The following DCHS2 variants were observed in gnomAD, a reference collection of about 807,000 sequenced individuals.
DCHS2 encodes dachsous cadherin-related 2.
DCHS2 carries 142 observed loss-of-function variants against 182.4 expected under a neutral mutation model. The ratio of observed to expected loss-of-function variants is 0.78; its 90% CI spans 0.68 to 0.89. The LOEUF (loss-of-function observed/expected upper bound fraction) is 0.89, where lower values mean the gene tolerates loss of function less well. Ranked by LOEUF, DCHS2 falls within the 40% of genes least tolerant of loss-of-function variation. The pLI is 0.00. For missense variants in DCHS2, 4,319 were observed against 4,198.6 expected (o/e 1.03, Z -0.79); for synonymous variants, 1,740 against 1,663.3 (o/e 1.05, Z -1.12).
At chr4:154,477,107 A>C (rs1735716588) in intron 1 of DCHS2, among the ~76,000 whole-genome samples, 1 of 152,138 alleles carries the variant, frequency 6.6e-6, no homozygotes, top group Non-Finnish European at 1.5e-5. Context: ...TAAACAACAG[A>C]AGTTTATTTC....
intron 1 of DCHS2, among the ~76,000 whole-genome samples, chr4:154,392,027 AC>A (rs931169791): frequency 1.3e-5 from 2 of 152,170 alleles, no homozygotes; most frequent in Non-Finnish European, 2.9e-5. Context: ...GGAAAAGTTA[AC>A]TTATAAAATG....
intron 1 of DCHS2, among the ~76,000 whole-genome samples, chr4:154,476,983 A>G (rs551932570): frequency 1.3e-5 from 2 of 152,084 alleles, no homozygotes; most frequent in African/African-American, 2.4e-5. Flanking sequence ...GGAAGGGGAG[A>G]CTCATGACAG....
rs2111325230 is a variant in DCHS2, at chr4:154,315,911, A to G, written c.5097T>C (p.Asp1699=). Reference sequence around the variant, plus strand: ...GGGATGAAGAAAGTGCTGGTGTGCCATCATCCAGTGCCAGAACAGTCAGAA... The same window carrying G: ...GGGATGAAGAAAGTGCTGGTGTGCCGTCATCCAGTGCCAGAACAGTCAGAA... ...QHILTVLALD[D]GTPALSSSQT... is the part of the protein sequence containing the mutation. The change falls in exon 10 of 20, where the codon GAT becomes GAC. Residue 1699 remains aspartate (D), a synonymous_variant. Coordinates refer to ENST00000357232, the MANE Select transcript of DCHS2 (RefSeq NM_001358235.2). The G allele has an allele frequency of 1.9e-6, 3 of 1,614,044 alleles. No individual in the cohort carries two copies. The highest frequency in any genetic ancestry group is 2.7e-5 in the African/African-American group (2 of 75,060).
At chr4:154,471,482 T>C (rs1735466191) in intron 1 of DCHS2, among the ~76,000 whole-genome samples, 1 of 152,178 alleles carries the variant, frequency 6.6e-6, no homozygotes, top group African/African-American at 2.4e-5. Flanking sequence ...AAGAGTTATG[T>C]CTATAACTGA....
At chr4:154,349,395 C>T (rs1729502538) in intron 3 of DCHS2, among the ~76,000 whole-genome samples, 1 of 152,164 alleles carries the variant, frequency 6.6e-6, no homozygotes, top group Non-Finnish European at 1.5e-5. Flanking sequence ...GGCCATGAAA[C>T]TTTAGCGTGA....
intron 16 of DCHS2, among the ~76,000 whole-genome samples, chr4:154,248,657 G>A (rs1023657078): frequency 3.7e-4 from 20 of 54,162 alleles, no homozygotes; most frequent in East Asian, 1.3e-3. Context: ...GAAGAAAGCC[G>A]GAGGCACCAT....
At chr4:154,437,929 C>T (rs977648983) in intron 1 of DCHS2, among the ~76,000 whole-genome samples, 8 of 152,024 alleles carry the variant, frequency 5.3e-5, no homozygotes, top group East Asian at 3.9e-4. Context: ...CCCAACACTT[C>T]GGAAGGCCAA....
At chr4:154,290,538 A>G (rs114984471) in intron 13 of DCHS2, among the ~76,000 whole-genome samples, 5,739 of 152,038 alleles carry the variant, frequency 0.038, 148 homozygotes, top group Non-Finnish European at 0.058. Flanking sequence ...GCTTCAAATT[A>G]TACTACAAAA....
At chr4:154,286,276 T>A (rs1188451639) in intron 13 of DCHS2, among the ~76,000 whole-genome samples, 2 of 152,024 alleles carry the variant, frequency 1.3e-5, no homozygotes, top group Non-Finnish European at 2.9e-5. Flanking sequence ...AATAAATACC[T>A]ACTCTTCAAT....
In DCHS2 at chr4:154,297,943, C is replaced by CCCGT. The variant is rs1735012372; in HGVS notation, c.6367_6370dup (p.Gly2124AspfsTer23). The CCCGT allele has an allele frequency of 6.2e-7, 1 of 1,614,092 alleles. No individual in the cohort carries two copies. Among genetic ancestry groups the CCCGT allele is most frequent in the African/African-American group, 1.3e-5 (1 of 75,032 alleles). On this transcript the variant is annotated frameshift_variant, in exon 13 of 20. Transcript: ENST00000357232. LOFTEE classifies it high-confidence loss of function. Reference sequence around the variant, plus strand: ...TCCTTCCATGTGAATGACCAAGAGACCCGTGGTTGTCCTGGCTGGAATGCC... The same window carrying CCCGT: ...TCCTTCCATGTGAATGACCAAGAGACCCGTCCGTGGTTGTCCTGGCTGGAATGCC...
intron 1 of DCHS2, 27 bp downstream of exon 1, chr4:154,489,277 G>A: frequency 6.8e-7 from 1 of 1,465,758 alleles, no homozygotes; most frequent in Non-Finnish European, 9.1e-7. Flanking sequence ...AAGCCTTCAG[G>A]TTGGCCCACA....
Position 154,366,350 on chromosome 4 carries a change from C to T in DCHS2, c.2336G>A (p.Ser779Asn). 1 of 1,613,826 alleles carries T rather than the reference C, an allele frequency of 6.2e-7. No individual in the cohort carries two copies. ...GCCTGGCTGGGTCTCATCACTGATGCTCGTCACATAGGTTGATGGGTTAAA... is the reference window on the plus strand; with the variant it reads ...GCCTGGCTGGGTCTCATCACTGATGTTCGTCACATAGGTTGATGGGTTAAA... ...PVFNPSTYVT[S>N]ISDETQPGTE... The change falls in exon 3 of 20, where the codon AGC becomes AAC. Residue 779 changes from serine (S) to asparagine (N), a missense_variant. Ser to Asn is a conservative substitution (Grantham distance 46). Coordinates refer to ENST00000357232, the MANE Select transcript of DCHS2 (RefSeq NM_001358235.2).
At chr4:154,440,183 G>A (rs1237788786) in intron 1 of DCHS2, among the ~76,000 whole-genome samples, 1 of 152,142 alleles carries the variant, frequency 6.6e-6, no homozygotes, top group Non-Finnish European at 1.5e-5. Flanking sequence ...TGGAGGAAAG[G>A]ACTAGAGTGA....
Position 154,490,830 on chromosome 4 carries a change from C to T in DCHS2, c.526G>A (p.Val176Ile), listed in dbSNP as rs767912458. The change falls in exon 1 of 20, where the codon GTC becomes ATC. Residue 176 changes from valine (V) to isoleucine (I), a missense_variant. Val to Ile is a conservative substitution (Grantham distance 29, BLOSUM62 3). Coordinates refer to ENST00000357232, the MANE Select transcript of DCHS2 (RefSeq NM_001358235.2). ...GTCCCTGGCGGGCTGAGCTCGGAGA[C>T]GTCGAGTTGCAGGGAGTCGAGGGGA... ...RFPLDSLQLDVSELSPPGTAF... is the reference protein window; with the variant it reads ...RFPLDSLQLDISELSPPGTAF... The T allele has an allele frequency of 2.2e-5, 34 of 1,551,584 alleles. No individual in the cohort carries two copies. In the South Asian group the frequency reaches 3.9e-4, roughly 18 times the overall value.
chr4:154,413,338 G>C (rs1474062550), intron 1 of DCHS2, among the ~76,000 whole-genome samples: 1 of 152,160 alleles, frequency 6.6e-6, no homozygotes, highest in Non-Finnish European at 1.5e-5. Context: ...TTATGGTGTA[G>C]ATGAACACCA....
At chr4:154,418,301 T>A (rs1262708882) in intron 1 of DCHS2, among the ~76,000 whole-genome samples, 2 of 152,138 alleles carry the variant, frequency 1.3e-5, no homozygotes, top group Non-Finnish European at 2.9e-5. Flanking sequence ...ATGGCCCCGC[T>A]GTATCAGCAC....
chr4:154,318,325 A>AG (rs1477875322), intron 9 of DCHS2, among the ~76,000 whole-genome samples: 17 of 151,908 alleles, frequency 1.1e-4, no homozygotes, highest in African/African-American at 3.9e-4. Context: ...TCATTTTAAG[A>AG]GAAAAAAAAG....
chr4:154,445,477 A>C (rs530329717), intron 1 of DCHS2, among the ~76,000 whole-genome samples: 15 of 152,118 alleles, frequency 9.9e-5, no homozygotes, highest in Non-Finnish European at 1.9e-4. Flanking sequence ...GAAAAGCCTC[A>C]AATAGTTGGT....
At chr4:154,337,782 C>T (rs899943593) in intron 3 of DCHS2, among the ~76,000 whole-genome samples, 4 of 151,538 alleles carry the variant, frequency 2.6e-5, no homozygotes, top group Non-Finnish European at 5.9e-5. Flanking sequence ...ACTCTGTTGC[C>T]CAGGTTGGAG....
Sources: gnomAD v4.1 joint callset for allele counts (sites outside exome capture counted in the v4.1 genomes callset) on GRCh38, gnomAD v4.1.1 for gene constraint, MANE v1.5 for transcripts, NCBI Gene and HGNC (gene_info 2026-07-23, HGNC 2026-07-21) for gene names.